DNAH11: variants seen among roughly 807,000 people sequenced by gnomAD.
The protein encoded by DNAH11 is dynein axonemal heavy chain 11, also known as axonemal beta dynein heavy chain 11.
In DNAH11, 442 loss-of-function variants were observed where a neutral mutation model predicts 526.0. The ratio of observed to expected loss-of-function variants is 0.84; its 90% CI spans 0.78 to 0.91. The LOEUF (loss-of-function observed/expected upper bound fraction) is 0.91, where lower values mean the gene tolerates loss of function less well. Ranked by LOEUF, DNAH11 falls within the 40% of genes least tolerant of loss-of-function variation. The probability of loss-of-function intolerance (pLI) is 0.00; values close to 1 mark genes in which losing one functional copy is unlikely to be tolerated. For missense variants in DNAH11, 6,989 were observed against 5,448.7 expected, an observed-to-expected ratio of 1.28 and a Z score of -8.90; for synonymous variants, 2,461 against 1,935.9, an observed-to-expected ratio of 1.27 and a Z score of -7.12.
At position 21,726,145 on chromosome 7, in the gene DNAH11, G is replaced by A. The variant is rs570435199; in HGVS notation, c.7440+161G>A. 1.3e-5 allele frequency among the ~76,000 whole-genome samples: 2 copies of A among 152,170 alleles called. 1 individual carries two copies. Among genetic ancestry groups the A allele is most frequent in the African/African-American group, 4.8e-5 (2 of 41,434 alleles). On this transcript the variant is annotated intron_variant, in intron 45 of 81. Transcript: ENST00000409508. ...TGGCATCTGCTGAGCTTCTGGGAAG[G>A]CCTCAGAAAATCACAGGGGAAGGGG...
chr7:21,730,697 A>G (rs2965367), intron 45 of DNAH11, among the ~76,000 whole-genome samples: 98,763 of 151,870 alleles, frequency 0.65, 32,548 homozygotes, highest in South Asian at 0.73. Flanking sequence ...GAGTTAGGAG[A>G]CTGGGGAGAT....
intron 66 of DNAH11, among the ~76,000 whole-genome samples, chr7:21,843,853 C>T (rs1053108502): frequency 1.3e-5 from 2 of 152,040 alleles, no homozygotes; most frequent in East Asian, 1.9e-4. Context: ...AATTTATGTG[C>T]TAACCTGGGC....
At chr7:21,639,284 A>G (rs1307170561) in intron 28 of DNAH11, among the ~76,000 whole-genome samples, 1 of 152,222 alleles carries the variant, frequency 6.6e-6, no homozygotes. Context: ...AACTATATTC[A>G]GTGTGTAAGG....
intron 2 of DNAH11, among the ~76,000 whole-genome samples, chr7:21,556,929 C>T (rs1381239625): frequency 6.6e-6 from 1 of 151,992 alleles, no homozygotes; most frequent in East Asian, 1.9e-4. Flanking sequence ...GGCATGGTGG[C>T]ACATGCTTGT....
At chr7:21,797,697 C>G (rs1455962497) in intron 61 of DNAH11, among the ~76,000 whole-genome samples, 1 of 152,198 alleles carries the variant, frequency 6.6e-6, no homozygotes, top group Non-Finnish European at 1.5e-5. Context: ...TTTAAGCATG[C>G]TTGGAATCCT....
At position 21,738,793 on chromosome 7, in the gene DNAH11, A is replaced by G; in HGVS notation, c.7738A>G (p.Met2580Val). ...KLIYFIDDMN[M>V]PEVDLYGTVQ... ...GATTTATTTTATCGACGACATGAAC[A>G]TGCCTGAAGTGGACTTATATGGCAC... Residue 2580 changes from methionine to valine, a missense_variant, in exon 47 of 82, where the codon ATG becomes GTG. Coordinates refer to ENST00000409508, the MANE Select transcript of DNAH11 (RefSeq NM_001277115.2). 1 of 1,601,788 alleles carries G rather than the reference A, an allele frequency of 6.2e-7. No homozygotes were observed. The highest frequency in any genetic ancestry group is 8.5e-7 in the Non-Finnish European group (1 of 1,173,690).
At chr7:21,780,736 C>G (rs989030211) in intron 57 of DNAH11, among the ~76,000 whole-genome samples, 1 of 152,010 alleles carries the variant, frequency 6.6e-6, no homozygotes, top group Non-Finnish European at 1.5e-5. Flanking sequence ...TAATCCATAC[C>G]AAGACATAAA....
At chr7:21,794,777 C>G (rs1001415763) in intron 61 of DNAH11, among the ~76,000 whole-genome samples, 2 of 151,998 alleles carry the variant, frequency 1.3e-5, no homozygotes, top group Non-Finnish European at 2.9e-5. Flanking sequence ...ACTTGGAATA[C>G]TTCCTCTGGG....
chr7:21,901,721 T>C lies in DNAH11; in HGVS notation c.*467T>C, dbSNP rs1363169309. The C allele has an allele frequency of 6.4e-6, 1 of 156,096 alleles. No homozygotes were observed. Among genetic ancestry groups the C allele is most frequent in the African/African-American group, 2.4e-5 (1 of 41,282 alleles). 9.7% of individuals were successfully genotyped at this position (156,096 alleles called of 1,614,324 possible). On this transcript the variant is annotated 3_prime_UTR_variant, in exon 82 of 82. Transcript: ENST00000409508. Reference sequence around the variant, plus strand: ...AAATATAAAAGCAGCAGGCCCCAGGTGAGTCCTGAAGGAAGAGGCTAGCAC... The same window carrying C: ...AAATATAAAAGCAGCAGGCCCCAGGCGAGTCCTGAAGGAAGAGGCTAGCAC...
At chr7:21,642,218 T>C (rs1281450416) in intron 28 of DNAH11, among the ~76,000 whole-genome samples, 1 of 152,024 alleles carries the variant, frequency 6.6e-6, no homozygotes, top group Admixed American at 6.6e-5. Flanking sequence ...CAATTAACAC[T>C]TACATAAAAT....
chr7:21,599,143 T>A (rs1229059969), intron 14 of DNAH11, among the ~76,000 whole-genome samples: 4 of 152,188 alleles, frequency 2.6e-5, no homozygotes, highest in Non-Finnish European at 5.9e-5. Flanking sequence ...TGTTTTTGGG[T>A]CTTTGAGGAA....
intron 62 of DNAH11, among the ~76,000 whole-genome samples, chr7:21,801,617 C>G (rs1159893283): frequency 1.3e-5 from 2 of 152,164 alleles, no homozygotes; most frequent in Non-Finnish European, 2.9e-5. Flanking sequence ...TACTTTCTCT[C>G]TTCCTTTCTT....
At chr7:21,622,560 C>T (rs1786119232) in intron 25 of DNAH11, among the ~76,000 whole-genome samples, 1 of 152,188 alleles carries the variant, frequency 6.6e-6, no homozygotes, top group Non-Finnish European at 1.5e-5. Context: ...CACTACCCGA[C>T]TTCAAACTAT....
At chr7:21,773,727 G>T in intron 55 of DNAH11, 39 bp from the exon 56 acceptor site, 19 of 1,255,250 alleles carry the variant, frequency 1.5e-5, no homozygotes, top group East Asian at 1.1e-4. Flanking sequence ...TTTTTAATTT[G>T]AGAGGATTTC....
chr7:21,601,289 G>A, intron 17 of DNAH11, 107 bp from the exon 18 acceptor site: 1 of 1,433,258 alleles, frequency 7.0e-7, no homozygotes, highest in Non-Finnish European at 9.4e-7. Flanking sequence ...AGAGATAAAT[G>A]TTTAATCAGG....
chr7:21,550,968 T>A (rs1195867931), intron 2 of DNAH11, among the ~76,000 whole-genome samples: 3 of 152,210 alleles, frequency 2.0e-5, no homozygotes, highest in African/African-American at 7.2e-5. Flanking sequence ...ACCTTTTTGT[T>A]TGTCTTTTGA....
intron 65 of DNAH11, among the ~76,000 whole-genome samples, chr7:21,826,773 G>A (rs1387482204): frequency 6.6e-6 from 1 of 152,178 alleles, no homozygotes; most frequent in East Asian, 1.9e-4. Context: ...TCAAACTCAG[G>A]TGGGATAACA....
At chr7:21,567,823 G>C (rs1783734173) in intron 6 of DNAH11, among the ~76,000 whole-genome samples, 2 of 152,190 alleles carry the variant, frequency 1.3e-5, no homozygotes. Context: ...ACACATAAAA[G>C]GCATCACCTG....
intron 66 of DNAH11, among the ~76,000 whole-genome samples, chr7:21,851,000 C>T (rs1782610884): frequency 6.6e-6 from 1 of 152,170 alleles, no homozygotes; most frequent in African/African-American, 2.4e-5. Flanking sequence ...CTGTGAATCA[C>T]TGGGATGTGG....
Sources: allele counts gnomAD v4.1 joint callset (sites outside exome capture counted in the v4.1 genomes callset), GRCh38; gene constraint gnomAD v4.1.1; transcripts MANE v1.5; gene names NCBI Gene and HGNC (gene_info 2026-07-23, HGNC 2026-07-21).